The following EFCAB6 variants were observed in gnomAD, a reference collection of about 807,000 sequenced individuals.
The protein encoded by EFCAB6 is EF-hand calcium-binding domain-containing protein 6.
In EFCAB6, 156 loss-of-function variants were observed where a neutral mutation model predicts 169.8. The observed-to-expected ratio is 0.92, with a 90% CI of 0.81 to 1.05. The LOEUF (loss-of-function observed/expected upper bound fraction) is 1.05. Ranked by LOEUF, EFCAB6 falls within the 50% of genes least tolerant of loss-of-function variation. EFCAB6 has a pLI of 0.00. For synonymous variants in EFCAB6, 698 were observed against 676.4 expected, an observed-to-expected ratio of 1.03 and a Z score of -0.50; for missense variants, 1,800 against 1,829.1, an observed-to-expected ratio of 0.98 and a Z score of 0.29.
At chr22:43,706,439 G>C (rs986024340) in intron 10 of EFCAB6, among the ~76,000 whole-genome samples, 4 of 152,222 alleles carry the variant, frequency 2.6e-5, no homozygotes, top group Non-Finnish European at 4.4e-5. Flanking sequence ...TTATTCATAG[G>C]TTTGCTTTGT....
At chr22:43,627,990 G>T (rs1023959233) in intron 19 of EFCAB6, among the ~76,000 whole-genome samples, 3 of 152,178 alleles carry the variant, frequency 2.0e-5, no homozygotes, top group Non-Finnish European at 2.9e-5. Flanking sequence ...TGGCAGGGAG[G>T]CTGATGTCTA....
At chr22:43,555,211 C>T in intron 26 of EFCAB6, 115 bp from the exon 27 acceptor site, 4 of 1,066,888 alleles carry the variant, frequency 3.7e-6, no homozygotes, top group Non-Finnish European at 2.7e-6. Context: ...GGAGGAGAGG[C>T]CAGAAGACAG....
At chr22:43,620,798 C>T (rs1370890358) in intron 20 of EFCAB6, among the ~76,000 whole-genome samples, 1 of 152,072 alleles carries the variant, frequency 6.6e-6, no homozygotes, top group East Asian at 1.9e-4. Flanking sequence ...TTTAACACTC[C>T]TCTCTTAGTA....
rs535846820 is a variant in EFCAB6 at position 43,579,143 on chromosome 22, C to T, written c.3228+1321G>A. Among the ~76,000 whole-genome samples the T allele has an allele frequency of 1.0e-3, 150 of 150,668 alleles. 3 individuals are homozygous for T. The highest frequency in any genetic ancestry group is 3.5e-3 in the African/African-American group (143 of 40,760). ...CCATAAGTATAGGCATCATTCTGTA[C>T]ACGTAGGCATCATTGCTTACATGCA... On this transcript the variant is annotated intron_variant, in intron 25 of 31. Transcript: ENST00000262726.
chr22:43,584,092 A>T (rs2050901322), intron 24 of EFCAB6, among the ~76,000 whole-genome samples: 1 of 152,208 alleles, frequency 6.6e-6, no homozygotes, highest in Admixed American at 6.5e-5. Flanking sequence ...CTATGAACCA[A>T]GCAGGAAGGA....
intron 5 of EFCAB6, among the ~76,000 whole-genome samples, chr22:43,756,656 G>A (rs560986372): frequency 5.3e-5 from 8 of 152,258 alleles, no homozygotes; most frequent in East Asian, 3.9e-4. Context: ...TGACAGTGAC[G>A]AATGGGAAAT....
chr22:43,729,572 G>T (rs565414480), intron 8 of EFCAB6, among the ~76,000 whole-genome samples: 1 of 152,200 alleles, frequency 6.6e-6, no homozygotes, highest in Non-Finnish European at 1.5e-5. Flanking sequence ...TCCAGGAGTG[G>T]ATAGTGAAGG....
intron 4 of EFCAB6, among the ~76,000 whole-genome samples, chr22:43,769,081 C>T (rs371830056): frequency 3.3e-5 from 5 of 152,246 alleles, no homozygotes; most frequent in Admixed American, 6.5e-5. Context: ...AAAGTCAAAA[C>T]GTGGAAACAA....
intron 26 of EFCAB6, 50 bp from the exon 27 acceptor site, chr22:43,555,146 C>T (rs1464676975): frequency 6.3e-7 from 1 of 1,593,546 alleles, no homozygotes; most frequent in Non-Finnish European, 8.6e-7. Flanking sequence ...AATCGACCAC[C>T]TCTTGCTCTG....
chr22:43,800,580 A>G (rs908312840), intron 2 of EFCAB6, among the ~76,000 whole-genome samples: 1 of 152,224 alleles, frequency 6.6e-6, no homozygotes, highest in Admixed American at 6.5e-5. Flanking sequence ...TTCCAAGATA[A>G]CACAGAAAAT....
intron 21 of EFCAB6, among the ~76,000 whole-genome samples, chr22:43,610,302 T>C (rs902601047): frequency 1.3e-5 from 2 of 152,246 alleles, no homozygotes; most frequent in African/African-American, 4.8e-5. Flanking sequence ...CAGTGTATAC[T>C]ATGACCATCG....
chr22:43,623,219 G>C (rs2054229265), intron 20 of EFCAB6, among the ~76,000 whole-genome samples: 1 of 152,198 alleles, frequency 6.6e-6, no homozygotes, highest in South Asian at 2.1e-4. Flanking sequence ...GCAGTATTTG[G>C]TGATGGACTA....
At chr22:43,737,372 AC>A (rs891246576) in intron 6 of EFCAB6, among the ~76,000 whole-genome samples, 1 of 150,986 alleles carries the variant, frequency 6.6e-6, no homozygotes, top group African/African-American at 2.4e-5. Context: ...ACGCACTCAC[AC>A]CATCACTCAC....
Position 43,597,306 on chromosome 22 carries a change from C to G in EFCAB6, c.2876+2763G>C, listed in dbSNP as rs141629292. On this transcript the variant is annotated intron_variant, in intron 23 of 31. Transcript: ENST00000262726. ...CCATGAAGGGAACAAAGTGAAGAGACAGCCTACTGAGTGGGAGAAGATATT... is the reference window on the plus strand; with the variant it reads ...CCATGAAGGGAACAAAGTGAAGAGAGAGCCTACTGAGTGGGAGAAGATATT... 2.6e-5 allele frequency among the ~76,000 whole-genome samples: 4 copies of G among 152,270 alleles called. No homozygotes were observed. The East Asian group carries it at 7.7e-4, about 29-fold the overall frequency.
At chr22:43,638,050 G>C (rs1438740630) in intron 17 of EFCAB6, among the ~76,000 whole-genome samples, 1 of 152,158 alleles carries the variant, frequency 6.6e-6, no homozygotes, top group Admixed American at 6.5e-5. Flanking sequence ...AGCGGTCGCA[G>C]GAGCGTAATC....
chr22:43,735,449 C>T (rs986384901), intron 7 of EFCAB6, among the ~76,000 whole-genome samples: 3 of 151,124 alleles, frequency 2.0e-5, no homozygotes, highest in Non-Finnish European at 2.9e-5. Flanking sequence ...AGCAACAACA[C>T]GTGAATCCTG....
At chr22:43,740,080 A>T (rs2060313669) in intron 6 of EFCAB6, among the ~76,000 whole-genome samples, 1 of 148,918 alleles carries the variant, frequency 6.7e-6, no homozygotes, top group Non-Finnish European at 1.5e-5. Context: ...CTCCCGCCTC[A>T]AGGCGCTGGC....
chr22:43,623,186 TC>T (rs1313365392), intron 20 of EFCAB6, among the ~76,000 whole-genome samples: 1 of 152,222 alleles, frequency 6.6e-6, no homozygotes, highest in Admixed American at 6.5e-5. Flanking sequence ...CAGTTAGTCA[TC>T]CAACAGGAAG....
intron 19 of EFCAB6, among the ~76,000 whole-genome samples, chr22:43,627,739 G>A (rs570933171): frequency 1.3e-5 from 2 of 152,220 alleles, no homozygotes; most frequent in South Asian, 2.1e-4. Flanking sequence ...GCGGCATTGC[G>A]CTTGTCCCCT....
Sources: allele counts gnomAD v4.1 joint callset (sites outside exome capture counted in the v4.1 genomes callset), GRCh38; gene constraint gnomAD v4.1.1; transcripts MANE v1.5; gene names NCBI Gene and HGNC (gene_info 2026-07-23, HGNC 2026-07-21).